LDLRAD4: variants seen among roughly 807,000 people sequenced by gnomAD.
The protein encoded by LDLRAD4 is low density lipoprotein receptor class A domain containing 4.
A neutral mutation model predicts 17.0 loss-of-function variants in LDLRAD4; 5 were observed. The ratio of observed to expected loss-of-function variants is 0.29; its 90% CI spans 0.15 to 0.62. The LOEUF (loss-of-function observed/expected upper bound fraction) is 0.62, where lower values mean the gene tolerates loss of function less well. Ranked by LOEUF, LDLRAD4 falls within the 20% of genes least tolerant of loss-of-function variation. The pLI is 0.84. For synonymous variants in LDLRAD4, 168 were observed against 171.8 expected, an observed-to-expected ratio of 0.98 and a Z score of 0.17; for missense variants, 340 against 424.7, an observed-to-expected ratio of 0.80 and a Z score of 1.75.
chr18:13,513,185 C>T (rs1416083428), intron 3 of LDLRAD4, among the ~76,000 whole-genome samples: 1 of 152,190 alleles, frequency 6.6e-6, no homozygotes, highest in East Asian at 1.9e-4. Context: ...GTGGCACTTG[C>T]CCCGGGGTCA....
chr18:13,334,478 C>T (rs2082012189), intron 1 of LDLRAD4, among the ~76,000 whole-genome samples: 1 of 152,188 alleles, frequency 6.6e-6, no homozygotes, highest in Non-Finnish European at 1.5e-5. Flanking sequence ...TCATGATCTG[C>T]CTGCCTTGGC....
intron 1 of LDLRAD4, among the ~76,000 whole-genome samples, chr18:13,370,006 T>C (rs2084341674): frequency 6.6e-6 from 1 of 152,230 alleles, no homozygotes; most frequent in Admixed American, 6.5e-5. Context: ...AGAATGCGTC[T>C]CCATTAGCAT....
chr18:13,478,308 T>TACC (rs2092998851), intron 3 of LDLRAD4, among the ~76,000 whole-genome samples: 1 of 152,196 alleles, frequency 6.6e-6, no homozygotes, highest in Non-Finnish European at 1.5e-5. Flanking sequence ...CATCCAAGTG[T>TACC]TGGTGTGCTG....
chr18:13,648,769 C>T (rs1383000302), exon 6 of LDLRAD4: 3 of 152,176 alleles, frequency 2.0e-5, no homozygotes, highest in East Asian at 3.8e-4. Flanking sequence ...GGAATGAACA[C>T]TCCTGGGCAT....
intron 3 of LDLRAD4, among the ~76,000 whole-genome samples, chr18:13,443,649 G>A (rs1304456484): frequency 6.6e-6 from 1 of 152,148 alleles, no homozygotes; most frequent in African/African-American, 2.4e-5. Flanking sequence ...CTCTGATTCT[G>A]TAGGTTATCC....
At chr18:13,455,954 A>C (rs138426497) in intron 3 of LDLRAD4, among the ~76,000 whole-genome samples, 85 of 152,274 alleles carry the variant, frequency 5.6e-4, no homozygotes, top group African/African-American at 2.0e-3. Context: ...CCTGAATTCC[A>C]TGTAGAAGTC....
chr18:13,432,756 G>T (rs2090424972), intron 2 of LDLRAD4, among the ~76,000 whole-genome samples: 2 of 152,132 alleles, frequency 1.3e-5, no homozygotes, highest in African/African-American at 2.4e-5. Flanking sequence ...TGGCTCTGTT[G>T]CCCAGGCTGG....
chr18:13,240,177 C>T (rs1447568864), intron 1 of LDLRAD4: 3 of 152,234 alleles, frequency 2.0e-5, no homozygotes, highest in Non-Finnish European at 4.4e-5. Context: ...GAGATGGGCA[C>T]ATGCAGGGTC....
chr18:13,385,158 T>C (rs2085701621), intron 1 of LDLRAD4, among the ~76,000 whole-genome samples: 1 of 152,212 alleles, frequency 6.6e-6, no homozygotes, highest in East Asian at 1.9e-4. Flanking sequence ...TCATCTTTTG[T>C]CTTTGATAAT....
chr18:13,479,948 G>T (rs2093042165), intron 3 of LDLRAD4, among the ~76,000 whole-genome samples: 2 of 152,222 alleles, frequency 1.3e-5, no homozygotes, highest in Admixed American at 1.3e-4. Flanking sequence ...GGAGGATGTG[G>T]AGCCACCGGA....
chr18:13,562,289 C>T (rs186261230), intron 3 of LDLRAD4, among the ~76,000 whole-genome samples: 11 of 152,312 alleles, frequency 7.2e-5, no homozygotes, highest in East Asian at 1.9e-4. Context: ...TCCTTGATCC[C>T]GGTGACCCAG....
intron 1 of LDLRAD4, among the ~76,000 whole-genome samples, chr18:13,354,732 A>G (rs2083240128): frequency 6.6e-6 from 1 of 152,234 alleles, no homozygotes; most frequent in African/African-American, 2.4e-5. Flanking sequence ...CTTTTAAAAT[A>G]TATTCCAAAA....
intron 1 of LDLRAD4, chr18:13,382,529 A>G (rs1009856897): frequency 1.3e-5 from 2 of 151,976 alleles, no homozygotes; most frequent in Non-Finnish European, 2.9e-5. Context: ...ACTTAATGAC[A>G]TTTTTCAAGT....
At chr18:13,415,251 AAC>A (rs2088768022) in intron 2 of LDLRAD4, among the ~76,000 whole-genome samples, 4 of 152,186 alleles carry the variant, frequency 2.6e-5, no homozygotes, top group Admixed American at 2.6e-4. Flanking sequence ...AGGTTTCCAA[AAC>A]ACACAGTCTC....
intron 1 of LDLRAD4, among the ~76,000 whole-genome samples, chr18:13,255,148 C>T (rs2043433496): frequency 6.6e-6 from 1 of 152,176 alleles, no homozygotes; most frequent in Non-Finnish European, 1.5e-5. Flanking sequence ...CAGATACTTC[C>T]AGAGCCCTGC....
At chr18:13,242,405 G>C (rs2042708183) in intron 1 of LDLRAD4, among the ~76,000 whole-genome samples, 1 of 152,226 alleles carries the variant, frequency 6.6e-6, no homozygotes, top group Non-Finnish European at 1.5e-5. Context: ...GGGTGATCGG[G>C]TGATTAGTGG....
chr18:13,494,728 T>G (rs923763433), intron 3 of LDLRAD4, among the ~76,000 whole-genome samples: 2 of 75,280 alleles, frequency 2.7e-5, no homozygotes, highest in Non-Finnish European at 3.2e-5. Context: ...ACATACACAT[T>G]GAATAAATGA....
At chr18:13,507,890 A>G (rs559350597) in intron 3 of LDLRAD4, among the ~76,000 whole-genome samples, 9 of 152,346 alleles carry the variant, frequency 5.9e-5, no homozygotes, top group Non-Finnish European at 7.4e-5. Flanking sequence ...CTTTAAGTCA[A>G]AAGTTCAAGA....
chr18:13,420,725 T>C (rs1568126443), intron 2 of LDLRAD4: 1 of 152,304 alleles, frequency 6.6e-6, no homozygotes, highest in Non-Finnish European at 1.5e-5. Context: ...CTTCCATGCA[T>C]GGGCAGAGAA....
Sources: gnomAD v4.1 joint callset for allele counts (sites outside exome capture counted in the v4.1 genomes callset) on GRCh38, gnomAD v4.1.1 for gene constraint, MANE v1.5 for transcripts, NCBI Gene and HGNC (gene_info 2026-07-23, HGNC 2026-07-21) for gene names.